Variants in RPH3A observed in about 807,000 individuals in gnomAD.
The protein encoded by RPH3A is rabphilin 3A, also known as rabphilin-3A.
A neutral mutation model predicts 102.2 loss-of-function variants in RPH3A; 48 were observed. The ratio of observed to expected loss-of-function variants is 0.47; its 90% CI spans 0.37 to 0.60. The LOEUF is 0.60. Ranked by LOEUF, RPH3A falls within the 20% of genes least tolerant of loss-of-function variation. The probability of loss-of-function intolerance (pLI) is 0.00; values close to 1 mark genes in which losing one functional copy is unlikely to be tolerated. For missense variants in RPH3A, 781 were observed against 910.1 expected (o/e 0.86, Z 1.83); for synonymous variants, 310 against 324.3 (o/e 0.96, Z 0.47).
At position 112,773,800 on chromosome 12, in the gene RPH3A, G is replaced by C. The variant is rs185267001; in HGVS notation, c.-139-18343G>C. ...TGCTTTGTAAAGAAAGGCAGTAGGGGCCAGGCATGGTGGCTCACACCTGTA... is the reference window on the plus strand; with the variant it reads ...TGCTTTGTAAAGAAAGGCAGTAGGGCCCAGGCATGGTGGCTCACACCTGTA... On this transcript the variant is annotated intron_variant, in intron 1 of 21. Transcript: ENST00000543106. 8.5e-3 allele frequency among the ~76,000 whole-genome samples: 1,294 copies of C among 152,198 alleles called. 22 individuals carry two copies. Among genetic ancestry groups the C allele is most frequent in the African/African-American group, 0.031 (1,268 of 41,492 alleles).
intron 1 of RPH3A, among the ~76,000 whole-genome samples, chr12:112,768,225 A>G (rs879452899): frequency 1.3e-5 from 2 of 152,168 alleles, no homozygotes; most frequent in Non-Finnish European, 2.9e-5. Flanking sequence ...CAGTGACCTC[A>G]ATGGTTCCCC....
rs544504999 is a variant in RPH3A at position 112,592,327 on chromosome 12, T to G, written c.-140+17008T>G. Among the ~76,000 whole-genome samples the G allele has an allele frequency of 5.9e-5, 9 of 152,272 alleles. No individual in the cohort carries two copies. The South Asian group carries it at 1.9e-3, about 32-fold the overall frequency. On this transcript the variant is annotated intron_variant, in intron 1 of 21. Coordinates refer to the RPH3A transcript ENST00000543106. ...TGTATTGTTTTAAAATAGTTATTAT[T>G]ATTATTATTTTTTGAGATGGAGTGT... is the stretch of plus-strand genomic sequence containing the variant.
In RPH3A at chr12:112,795,421, C is replaced by T. The variant is rs574017397; in HGVS notation, c.-19+3158C>T. 2.6e-5 allele frequency among the ~76,000 whole-genome samples: 4 copies of T among 152,322 alleles called. No homozygotes were observed. In the South Asian group the frequency reaches 8.3e-4, roughly 32 times the overall value. On this transcript the variant is annotated intron_variant, in intron 2 of 21. Transcript: ENST00000389385. Reference sequence around the variant, plus strand: ...AAGCTGATGATTTTAAATAATTCAGCTGCCACCCAGGATGGAGAGCCTTGA... The same window carrying T: ...AAGCTGATGATTTTAAATAATTCAGTTGCCACCCAGGATGGAGAGCCTTGA...
At chr12:112,632,747 A>G (rs2039815618) in intron 1 of RPH3A, among the ~76,000 whole-genome samples, 1 of 152,212 alleles carries the variant, frequency 6.6e-6, no homozygotes, top group African/African-American at 2.4e-5. Flanking sequence ...TACTACTGGC[A>G]TCTAGTGCAG....
rs2043198970 is a variant in RPH3A, at chr12:112,897,377, A to T, written c.*597A>T. 1 of 152,602 alleles carries T rather than the reference A, an allele frequency of 6.6e-6. No individual in the cohort carries two copies. Among genetic ancestry groups the T allele is most frequent in the Non-Finnish European group, 1.5e-5 (1 of 68,360 alleles). 9.5% of individuals were successfully genotyped at this position (152,602 alleles called of 1,614,324 possible). ...TCCAAGTGCACCAGGATGCAAATGCACAGAATTCACCAGGGGCTTGGACGC... is the reference window on the plus strand; with the variant it reads ...TCCAAGTGCACCAGGATGCAAATGCTCAGAATTCACCAGGGGCTTGGACGC... On this transcript the variant is annotated 3_prime_UTR_variant, in exon 22 of 22. Transcript: ENST00000389385.
intron 20 of RPH3A, among the ~76,000 whole-genome samples, chr12:112,894,887 T>C (rs1459341588): frequency 6.6e-6 from 1 of 152,226 alleles, no homozygotes; most frequent in African/African-American, 2.4e-5. Flanking sequence ...TCAGCATTAC[T>C]TAGTTAACAA....
chr12:112,624,476 A>C (rs2039757036), intron 1 of RPH3A, among the ~76,000 whole-genome samples: 1 of 148,950 alleles, frequency 6.7e-6, no homozygotes, highest in Admixed American at 6.7e-5. Flanking sequence ...TACATTCCTC[A>C]ACACATACAC....
Position 112,712,455 on chromosome 12 carries a change from ATTG to A in RPH3A, c.-139-79685_-139-79683del, listed in dbSNP as rs550392966. The stretch of plus-strand genomic sequence containing the variant: ...AAATTATCCAGATGTCTATTTTTAA[ATTG>A]TTATTTTAAATATACAAAATATTAA... On this transcript the variant is annotated intron_variant, in intron 1 of 21. Coordinates refer to the RPH3A transcript ENST00000543106. 1.9e-3 allele frequency among the ~76,000 whole-genome samples: 286 copies of A among 152,250 alleles called. 1 individual carries two copies. Among genetic ancestry groups the A allele is most frequent in the African/African-American group, 6.4e-3 (266 of 41,538 alleles).
intron 1 of RPH3A, among the ~76,000 whole-genome samples, chr12:112,732,019 T>C (rs911912640): frequency 1.3e-5 from 2 of 152,244 alleles, no homozygotes; most frequent in African/African-American, 2.4e-5. Context: ...ATAACTATGT[T>C]TGATTAAACA....
chr12:112,611,693 A>G (rs1456584880), intron 1 of RPH3A, among the ~76,000 whole-genome samples: 6 of 152,044 alleles, frequency 3.9e-5, no homozygotes, highest in Admixed American at 1.3e-4. Context: ...TTATCCACCT[A>G]CCTCAGCCTC....
chr12:112,694,090 C>T (rs2040327554), intron 1 of RPH3A, among the ~76,000 whole-genome samples: 1 of 152,228 alleles, frequency 6.6e-6, no homozygotes, highest in South Asian at 2.1e-4. Flanking sequence ...AGAAGCTCAG[C>T]CCTCTCAGCG....
intron 1 of RPH3A, among the ~76,000 whole-genome samples, chr12:112,757,012 C>T (rs185186107): frequency 1.4e-4 from 21 of 152,258 alleles, no homozygotes; most frequent in South Asian, 8.3e-4. Context: ...CAAATGCGTA[C>T]GAGCCATGTG....
intron 1 of RPH3A, among the ~76,000 whole-genome samples, chr12:112,713,039 T>C (rs1024557940): frequency 2.3e-5 from 2 of 86,098 alleles, no homozygotes; most frequent in East Asian, 3.5e-4. Flanking sequence ...TTCTTCTTCT[T>C]CTTCTTCTTC....
intron 1 of RPH3A, among the ~76,000 whole-genome samples, chr12:112,632,251 T>C (rs976157491): frequency 2.0e-5 from 3 of 152,180 alleles, no homozygotes; most frequent in African/African-American, 7.2e-5. Context: ...CTCTCTTTCT[T>C]TTGTTAATTG....
intron 1 of RPH3A, among the ~76,000 whole-genome samples, chr12:112,711,408 A>G (rs905815029): frequency 1.3e-5 from 2 of 152,082 alleles, no homozygotes; most frequent in Admixed American, 6.5e-5. Flanking sequence ...AAAAAAAAAG[A>G]GCACATCTCT....
chr12:112,775,855 C>G (rs1003544826), intron 1 of RPH3A, among the ~76,000 whole-genome samples: 31 of 152,156 alleles, frequency 2.0e-4, no homozygotes, highest in Non-Finnish European at 4.0e-4. Context: ...AAACATGGTC[C>G]TTTTCCAGGG....
intron 1 of RPH3A, among the ~76,000 whole-genome samples, chr12:112,682,959 A>G (rs1407266967): frequency 6.6e-6 from 1 of 152,192 alleles, no homozygotes; most frequent in East Asian, 1.9e-4. Context: ...TTTTCTAGGT[A>G]GGTTTAGACC....
chr12:112,891,408 C>T lies in RPH3A; in HGVS notation c.1775+405C>T, dbSNP rs777446201. Among the ~76,000 whole-genome samples the T allele has an allele frequency of 2.6e-5, 4 of 152,290 alleles. No individual in the cohort carries two copies. In the South Asian group the frequency reaches 6.2e-4, roughly 24 times the overall value. ...TGGAAATGCTCAGAAAAAAAACATGCCTTCAGTCTGGGGTCTGTTCCAGCA... is the reference window on the plus strand; with the variant it reads ...TGGAAATGCTCAGAAAAAAAACATGTCTTCAGTCTGGGGTCTGTTCCAGCA... On this transcript the variant is annotated intron_variant, in intron 19 of 21. Transcript: ENST00000389385.
intron 1 of RPH3A, among the ~76,000 whole-genome samples, chr12:112,618,618 T>C (rs986619344): frequency 4.6e-5 from 7 of 152,282 alleles, no homozygotes; most frequent in Admixed American, 1.3e-4. Flanking sequence ...ATGTAATTGT[T>C]TTTTTAATCA....
Sources: allele counts gnomAD v4.1 joint callset (sites outside exome capture counted in the v4.1 genomes callset), GRCh38; gene constraint gnomAD v4.1.1; transcripts MANE v1.5; gene names NCBI Gene and HGNC (gene_info 2026-07-23, HGNC 2026-07-21).